MCF2L2: variants seen among roughly 807,000 people sequenced by gnomAD.
The protein encoded by MCF2L2 is MCF.2 cell line derived transforming sequence-like 2, also known as probable guanine nucleotide exchange factor MCF2L2.
A neutral mutation model predicts 150.2 loss-of-function variants in MCF2L2; 102 were observed. The observed-to-expected ratio is 0.68, with a 90% CI of 0.58 to 0.80. The LOEUF (loss-of-function observed/expected upper bound fraction) is 0.80, where lower values mean the gene tolerates loss of function less well. Ranked by LOEUF, MCF2L2 falls within the 30% of genes least tolerant of loss-of-function variation. MCF2L2 has a pLI of 0.00. For synonymous variants in MCF2L2, 465 were observed against 491.3 expected, an observed-to-expected ratio of 0.95 and a Z score of 0.71; for missense variants, 1,256 against 1,372.8, an observed-to-expected ratio of 0.91 and a Z score of 1.34.
chr3:183,269,974 A>G (rs1455497329), intron 15 of MCF2L2: 4 of 1,614,050 alleles, frequency 2.5e-6, no homozygotes, highest in African/African-American at 1.3e-5. Context: ...GACTTTGTGA[A>G]TGATACCCTG....
intron 3 of MCF2L2, among the ~76,000 whole-genome samples, chr3:183,351,185 C>A (rs1577082580): frequency 1.8e-5 from 1 of 55,996 alleles, no homozygotes; most frequent in African/African-American, 8.1e-5. Context: ...TATTTATTTT[C>A]TTAAGTATAT....
intron 19 of MCF2L2, 31 bp from the exon 20 acceptor site, chr3:183,223,469 C>T: frequency 6.7e-7 from 1 of 1,492,402 alleles, no homozygotes; most frequent in Non-Finnish European, 9.4e-7. Flanking sequence ...CAACATAAAG[C>T]AAAACAAACA....
chr3:183,338,746 C>A, intron 5 of MCF2L2, 54 bp downstream of exon 5: 3 of 1,533,510 alleles, frequency 2.0e-6, no homozygotes, highest in Non-Finnish European at 2.7e-6. Context: ...TGCCCAAATG[C>A]CATCTTAGCC....
intron 8 of MCF2L2, 127 bp from the exon 9 acceptor site, chr3:183,311,156 G>T (rs1316882749): frequency 2.9e-5 from 18 of 611,324 alleles, no homozygotes; most frequent in Non-Finnish European, 4.7e-5. Context: ...TCATTATTAT[G>T]AAAGCATGTG....
chr3:183,340,662 G>C (rs1338253144), intron 4 of MCF2L2, among the ~76,000 whole-genome samples: 1 of 152,058 alleles, frequency 6.6e-6, no homozygotes, highest in African/African-American at 2.4e-5. Flanking sequence ...AAATAATTTG[G>C]CTAGGTGCAG....
chr3:183,183,878 T>A (rs1721607980), intron 27 of MCF2L2, among the ~76,000 whole-genome samples: 2 of 151,906 alleles, frequency 1.3e-5, no homozygotes, highest in Admixed American at 6.6e-5. Context: ...GAAAGAAACA[T>A]TATAAGGATA....
At chr3:183,279,796 C>T (rs1433653171) in intron 14 of MCF2L2, among the ~76,000 whole-genome samples, 1 of 152,160 alleles carries the variant, frequency 6.6e-6, no homozygotes, top group African/African-American at 2.4e-5. Context: ...TTCGGGAGGC[C>T]GAGGCGAGTG....
intron 2 of MCF2L2, among the ~76,000 whole-genome samples, chr3:183,382,899 T>C (rs1308260824): frequency 1.3e-5 from 2 of 152,192 alleles, no homozygotes; most frequent in African/African-American, 4.8e-5. Context: ...TACAGGAAGA[T>C]GGCAAAGACC....
intron 1 of MCF2L2, among the ~76,000 whole-genome samples, chr3:183,419,735 T>C (rs1490953931): frequency 6.6e-6 from 1 of 152,140 alleles, no homozygotes; most frequent in Non-Finnish European, 1.5e-5. Flanking sequence ...TAGCCAGCCA[T>C]GGTGGCATGC....
chr3:183,356,218 A>T (rs903394911), intron 3 of MCF2L2, among the ~76,000 whole-genome samples: 15 of 118,670 alleles, frequency 1.3e-4, no homozygotes, highest in Non-Finnish European at 2.0e-4. Flanking sequence ...TCTTTATTAT[A>T]AAAAAAAAAA....
intron 10 of MCF2L2, among the ~76,000 whole-genome samples, chr3:183,302,910 C>T (rs1728925166): frequency 6.6e-6 from 1 of 152,134 alleles, no homozygotes; most frequent in Admixed American, 6.6e-5. Context: ...ATTCCTCCCT[C>T]CTGGCTGGGC....
At chr3:183,355,540 G>C (rs184107904) in intron 3 of MCF2L2, among the ~76,000 whole-genome samples, 1 of 150,324 alleles carries the variant, frequency 6.7e-6, no homozygotes, top group Non-Finnish European at 1.5e-5. Flanking sequence ...TCCGCCTCCC[G>C]GGTTCACACC....
At chr3:183,377,039 TTTTAC>T (rs1428988905) in intron 3 of MCF2L2, 1 of 152,198 alleles carries the variant, frequency 6.6e-6, no homozygotes, top group Non-Finnish European at 1.5e-5. Flanking sequence ...ATTTTTAAAT[TTTTAC>T]TTTAAGTTTT....
intron 20 of MCF2L2, among the ~76,000 whole-genome samples, chr3:183,222,355 G>T (rs971551752): frequency 1.3e-5 from 2 of 152,100 alleles, no homozygotes; most frequent in Non-Finnish European, 2.9e-5. Context: ...TTCAAGACCA[G>T]CCTGGCCAAC....
At chr3:183,306,792 A>G (rs1729120407) in intron 10 of MCF2L2, among the ~76,000 whole-genome samples, 1 of 152,210 alleles carries the variant, frequency 6.6e-6, no homozygotes, top group South Asian at 2.1e-4. Context: ...TGACATCCTT[A>G]GATGTTAATG....
chr3:183,424,979 G>C (rs979877403), intron 1 of MCF2L2, among the ~76,000 whole-genome samples: 1 of 152,166 alleles, frequency 6.6e-6, no homozygotes, highest in Non-Finnish European at 1.5e-5. Flanking sequence ...TGAAGAGCTT[G>C]TATCTTAGGC....
rs74989072 is a variant in MCF2L2, at chr3:183,417,115, C to CAAAA, written c.76+10783_76+10786dup. 5.7e-4 allele frequency among the ~76,000 whole-genome samples: 25 copies of CAAAA among 44,238 alleles called. 2 individuals carry two copies. Among genetic ancestry groups the CAAAA allele is most frequent in the African/African-American group, 9.5e-4 (13 of 13,744 alleles). 29.0% of individuals were successfully genotyped at this position (44,238 alleles called of 152,430 possible). A position where few individuals can be genotyped will look rare whatever the true frequency, so the allele number is the denominator to read the frequency against. ...CTGGCAACAGAGTGAGACTCTGTCT[C>CAAAA]AAAAAAAAAAAAAAAAAAAAAAAAA... On this transcript the variant is annotated intron_variant, in intron 1 of 29. Coordinates refer to ENST00000328913, the MANE Select transcript of MCF2L2 (RefSeq NM_015078.4).
Position 183,276,899 on chromosome 3 carries a change from G to A in MCF2L2, c.1835C>T (p.Ala612Val), listed in dbSNP as rs991505594. ...GCGGGGGGAAAGGTCTCCGAGCCTGGCCTGCTGCTCCAGCTCAGGGTTCCC... is the reference window on the plus strand; with the variant it reads ...GCGGGGGGAAAGGTCTCCGAGCCTGACCTGCTGCTCCAGCTCAGGGTTCCC... Reference protein sequence around the residue: ...ERGNPELEQQARLGDLSPRRR... With the variant: ...ERGNPELEQQVRLGDLSPRRR... The change falls in exon 15 of 30, where the codon GCC (alanine) becomes GTC (valine). Residue 612 changes from alanine (A) to valine (V), a missense_variant. Transcript: ENST00000328913. 1 of 1,610,910 alleles carries A rather than the reference G, an allele frequency of 6.2e-7. No homozygotes were observed.
At chr3:183,365,210 A>G (rs1361423891) in intron 3 of MCF2L2, among the ~76,000 whole-genome samples, 1 of 152,218 alleles carries the variant, frequency 6.6e-6, no homozygotes, top group Non-Finnish European at 1.5e-5. Flanking sequence ...ACAAATAGAA[A>G]GACACTTCTT....
Sources: allele counts gnomAD v4.1 joint callset (sites outside exome capture counted in the v4.1 genomes callset), GRCh38; gene constraint gnomAD v4.1.1; transcripts MANE v1.5; gene names NCBI Gene and HGNC (gene_info 2026-07-23, HGNC 2026-07-21).